The following FTO variants were observed in gnomAD, a reference collection of about 807,000 sequenced individuals.
FTO encodes the protein FTO alpha-ketoglutarate dependent dioxygenase.
Under a neutral mutation model 63.9 loss-of-function variants are expected in FTO, and 47 were observed. That is an observed-to-expected ratio of 0.74 (90% CI 0.58 to 0.94). The LOEUF (loss-of-function observed/expected upper bound fraction) is 0.94. FTO is among the 40% of genes least tolerant of loss of function. The pLI, the probability that FTO is intolerant of heterozygous loss-of-function variation, is 0.00. For missense variants in FTO, 562 were observed against 618.1 expected (o/e 0.91, Z 0.96); for synonymous variants, 207 against 224.4 (o/e 0.92, Z 0.69).
At chr16:54,000,401 CAG>C (rs1491363619) in intron 8 of FTO, among the ~76,000 whole-genome samples, 1 of 152,170 alleles carries the variant, frequency 6.6e-6, no homozygotes, top group Non-Finnish European at 1.5e-5. Context: ...GAGCTCAAGT[CAG>C]ATTCTGGATT....
At chr16:53,950,955 C>T (rs943487810) in intron 8 of FTO, among the ~76,000 whole-genome samples, 1 of 152,148 alleles carries the variant, frequency 6.6e-6, no homozygotes, top group Non-Finnish European at 1.5e-5. Context: ...TTGGCTTTAC[C>T]GTATTATACA....
intron 1 of FTO, among the ~76,000 whole-genome samples, chr16:53,759,282 G>GTTTC (rs2076993407): frequency 6.6e-6 from 1 of 152,058 alleles, no homozygotes; most frequent in Admixed American, 6.6e-5. Flanking sequence ...CCAAAACAAA[G>GTTTC]CAATGGAAAA....
At chr16:53,800,016 G>T (rs990726499) in intron 1 of FTO, among the ~76,000 whole-genome samples, 1 of 151,340 alleles carries the variant, frequency 6.6e-6, no homozygotes, top group Non-Finnish European at 1.5e-5. Context: ...ATTGATTTCT[G>T]TTGTGGTCTT....
intron 1 of FTO, among the ~76,000 whole-genome samples, chr16:53,797,780 A>T (rs1483868528): frequency 6.6e-6 from 1 of 152,094 alleles, no homozygotes; most frequent in Non-Finnish European, 1.5e-5. Context: ...GCAGTGTATA[A>T]GAGTTCTAGT....
At chr16:54,021,902 A>C (rs1366589624) in intron 8 of FTO, among the ~76,000 whole-genome samples, 2 of 152,204 alleles carry the variant, frequency 1.3e-5, no homozygotes, top group African/African-American at 4.8e-5. Flanking sequence ...TTTCTTCAAA[A>C]CAACATACTA....
At chr16:54,099,553 C>T (rs755794333) in intron 8 of FTO, among the ~76,000 whole-genome samples, 9 of 152,138 alleles carry the variant, frequency 5.9e-5, no homozygotes, top group Non-Finnish European at 1.0e-4. Context: ...ATGCAAGTTT[C>T]GGGTGACCCT....
intron 1 of FTO, among the ~76,000 whole-genome samples, chr16:53,790,718 C>CA (rs2077892133): frequency 6.6e-6 from 1 of 151,480 alleles, no homozygotes; most frequent in Admixed American, 6.6e-5. Context: ...AAGACAGTTT[C>CA]AAATATAGGT....
intron 8 of FTO, among the ~76,000 whole-genome samples, chr16:53,996,959 A>G (rs1364475860): frequency 6.6e-6 from 1 of 151,930 alleles, no homozygotes; most frequent in Non-Finnish European, 1.5e-5. Flanking sequence ...AAATACAAAA[A>G]AAATTTAGCC....
At chr16:53,744,198 T>G (rs1285959007) in intron 1 of FTO, among the ~76,000 whole-genome samples, 1 of 152,160 alleles carries the variant, frequency 6.6e-6, no homozygotes, top group African/African-American at 2.4e-5. Context: ...TTTGACAGCT[T>G]AGGTTCAGAC....
chr16:53,782,551 A>G (rs1282489910), intron 1 of FTO, among the ~76,000 whole-genome samples: 1 of 152,248 alleles, frequency 6.6e-6, no homozygotes, highest in Non-Finnish European at 1.5e-5. Context: ...TTGCTAATGC[A>G]TCTTTCCTAA....
rs796475934 is a variant in FTO at position 53,839,815 on chromosome 16, A to AT, written c.752-4337dup. On this transcript the variant is annotated intron_variant, in intron 3 of 8. Transcript: ENST00000471389. ...TATTTATTTATTTATTTATTTATTT[A>AT]TTTATTTTAAGGTGCAGTGTCACTA... Among the ~76,000 whole-genome samples, 17 of 49,138 alleles carry AT rather than the reference A, an allele frequency of 3.5e-4. No individual in the cohort carries two copies. The South Asian group carries it at 5.9e-3, about 17-fold the overall frequency. 32.2% of individuals were successfully genotyped at this position (49,138 alleles called of 152,430 possible).
At chr16:53,908,012 G>A (rs79107186) in intron 7 of FTO, among the ~76,000 whole-genome samples, 6,041 of 152,286 alleles carry the variant, frequency 0.04, 194 homozygotes, top group African/African-American at 0.096. Flanking sequence ...GTCCAGTGCT[G>A]CTAGAGACAT....
At chr16:53,853,951 A>C (rs11076002) in intron 4 of FTO, among the ~76,000 whole-genome samples, 38,678 of 151,614 alleles carry the variant, frequency 0.26, 5,591 homozygotes, top group East Asian at 0.63. Flanking sequence ...GTGTATAAGC[A>C]CTCCCTTTTC....
chr16:53,942,584 C>T lies in FTO; in HGVS notation c.1364+8475C>T, dbSNP rs577222257. On this transcript the variant is annotated intron_variant, in intron 8 of 8. Coordinates refer to ENST00000471389, the MANE Select transcript of FTO (RefSeq NM_001080432.3). Reference sequence around the variant, plus strand: ...AGGAACAAAGCTGAGGCTAATATGGCTTCCAGTCTGTAGGCAGCTGTTTTT... The same window carrying T: ...AGGAACAAAGCTGAGGCTAATATGGTTTCCAGTCTGTAGGCAGCTGTTTTT... Among the ~76,000 whole-genome samples, 12 of 152,294 alleles carry T rather than the reference C, an allele frequency of 7.9e-5. 1 individual carries two copies. The South Asian group carries it at 2.5e-3, about 32-fold the overall frequency.
chr16:54,052,178 C>G (rs147266883), intron 8 of FTO, among the ~76,000 whole-genome samples: 1 of 152,138 alleles, frequency 6.6e-6, no homozygotes, highest in Non-Finnish European at 1.5e-5. Flanking sequence ...TTGACAGAGA[C>G]GCCAGTGCAT....
intron 7 of FTO, among the ~76,000 whole-genome samples, chr16:53,927,097 C>T (rs2082162777): frequency 6.6e-6 from 1 of 152,086 alleles, no homozygotes; most frequent in Non-Finnish European, 1.5e-5. Flanking sequence ...AAAGATCACT[C>T]TTGAAGCAGG....
intron 8 of FTO, among the ~76,000 whole-genome samples, chr16:54,104,309 G>A (rs1244196645): frequency 6.8e-6 from 1 of 146,960 alleles, no homozygotes; most frequent in Non-Finnish European, 1.5e-5. Context: ...TCTACCTGAG[G>A]CCTCTTTTTT....
At chr16:53,711,599 C>T in intron 1 of FTO, 1 of 396,204 alleles carries the variant, frequency 2.5e-6, no homozygotes, top group East Asian at 3.6e-5. Context: ...CCTGGGATTC[C>T]TTACGGGGTT....
intron 8 of FTO, among the ~76,000 whole-genome samples, chr16:54,005,086 A>AC (rs1242153111): frequency 6.7e-6 from 1 of 149,718 alleles, no homozygotes; most frequent in Non-Finnish European, 1.5e-5. Context: ...AAAAAAAAAA[A>AC]AAAGAAACAA....
Sources: allele counts gnomAD v4.1 joint callset (sites outside exome capture counted in the v4.1 genomes callset), GRCh38; gene constraint gnomAD v4.1.1; transcripts MANE v1.5; gene names NCBI Gene and HGNC (gene_info 2026-07-23, HGNC 2026-07-21).